UBE2G1: variants seen among roughly 807,000 people sequenced by gnomAD.
UBE2G1 encodes ubiquitin conjugating enzyme E2 G1, also known as ubiquitin-conjugating enzyme E2 G1.
A neutral mutation model predicts 22.7 loss-of-function variants in UBE2G1; 5 were observed. That is an observed-to-expected ratio of 0.22 (90% confidence interval 0.12 to 0.46). UBE2G1 has a LOEUF of 0.46. UBE2G1 is among the 20% of genes least tolerant of loss of function. The pLI, the probability that UBE2G1 is intolerant of heterozygous loss-of-function variation, is 0.99. For synonymous variants in UBE2G1, 74 were observed against 67.5 expected (o/e 1.10, Z -0.47); for missense variants, 88 against 203.9 (o/e 0.43, Z 3.46).
rs149872795 is a variant in UBE2G1 at position 4,280,295 on chromosome 17, C to T, written c.*37+2503G>A. Among the ~76,000 whole-genome samples the T allele has an allele frequency of 1.2e-4, 18 of 148,198 alleles. No individual in the cohort carries two copies. In the East Asian group the frequency reaches 3.7e-3, roughly 30 times the overall value. On this transcript the variant is annotated intron_variant, in intron 5 of 5. Coordinates refer to ENST00000396981, the MANE Select transcript of UBE2G1 (RefSeq NM_003342.5). ...CAGGTAATCCACCTGCCTCAGCTCC[C>T]ACAAGTGCTAGGATTACAAGTGTGA...
At position 4,309,434 on chromosome 17, in the gene UBE2G1, C is replaced by T. The variant is rs552919943; in HGVS notation, c.47-2311G>A. ...GAAATGTACTTTTACTTTAAAGTGG[C>T]TAATCTAAAATACTTTTTAAAGATA... On this transcript the variant is annotated intron_variant, in intron 1 of 5. Transcript: ENST00000396981. 9.9e-5 allele frequency among the ~76,000 whole-genome samples: 15 copies of T among 152,242 alleles called. No individual in the cohort carries two copies. In the South Asian group the frequency reaches 2.1e-3, roughly 21 times the overall value.
intron 4 of UBE2G1, among the ~76,000 whole-genome samples, chr17:4,283,806 C>T (rs924162281): frequency 6.6e-6 from 1 of 151,984 alleles, no homozygotes; most frequent in African/African-American, 2.4e-5. Context: ...AAACAGAGGC[C>T]TAGAGAAGCT....
At chr17:4,309,995 A>G (rs1969291013) in intron 1 of UBE2G1, among the ~76,000 whole-genome samples, 1 of 152,166 alleles carries the variant, frequency 6.6e-6, no homozygotes, top group Non-Finnish European at 1.5e-5. Flanking sequence ...GTTCCATGTA[A>G]GTAATACAAA....
Position 4,366,257 on chromosome 17 carries a change from G to A in UBE2G1, c.46+14C>T. On this transcript the variant is annotated intron_variant, in intron 1 of 5. Coordinates refer to ENST00000396981, the MANE Select transcript of UBE2G1 (RefSeq NM_003342.5). ...TCGCGGCCGGGCCCGGCGCCCCGCCGCCCGCCTGCTCACCTGCCAGCTGTC... is the reference window on the plus strand; with the variant it reads ...TCGCGGCCGGGCCCGGCGCCCCGCCACCCGCCTGCTCACCTGCCAGCTGTC... The A allele has an allele frequency of 6.5e-7, 1 of 1,540,198 alleles. No individual in the cohort carries two copies. The highest frequency in any genetic ancestry group is 2.6e-5 in the East Asian group (1 of 38,224).
At chr17:4,364,329 C>G (rs1309330190) in intron 1 of UBE2G1, 4 of 111,106 alleles carry the variant, frequency 3.6e-5, no homozygotes, top group African/African-American at 6.8e-5. Flanking sequence ...CTCGCTCTGT[C>G]GCCCAGGCTG....
At chr17:4,357,817 A>T (rs1421064345) in intron 1 of UBE2G1, among the ~76,000 whole-genome samples, 2 of 152,026 alleles carry the variant, frequency 1.3e-5, no homozygotes, top group Non-Finnish European at 2.9e-5. Flanking sequence ...CAAAAAAAAT[A>T]GACTGGATGT....
intron 1 of UBE2G1, among the ~76,000 whole-genome samples, chr17:4,346,637 T>C (rs903379747): frequency 8.6e-5 from 13 of 151,078 alleles, no homozygotes; most frequent in African/African-American, 2.7e-4. Context: ...GGTTTCACTA[T>C]GTTGGCCAGG....
At position 4,356,346 on chromosome 17, in the gene UBE2G1, G is replaced by A. The variant is rs1038599192; in HGVS notation, c.46+9925C>T. On this transcript the variant is annotated intron_variant, in intron 1 of 5. Coordinates refer to ENST00000396981, the MANE Select transcript of UBE2G1 (RefSeq NM_003342.5). ...GCACTTCAGCCTGGGCGACAAGAGC[G>A]AAACTGTCTCAAAAAAAAAATTAAA... 1.2e-4 allele frequency among the ~76,000 whole-genome samples: 18 copies of A among 151,584 alleles called. 1 individual carries two copies. Among genetic ancestry groups the A allele is most frequent in the South Asian group, 6.2e-4 (3 of 4,814 alleles).
chr17:4,363,830 T>G (rs1251651709), intron 1 of UBE2G1, among the ~76,000 whole-genome samples: 1 of 150,984 alleles, frequency 6.6e-6, no homozygotes, highest in Non-Finnish European at 1.5e-5. Context: ...CGGGCGCCTG[T>G]AGTCCCAGCT....
At chr17:4,297,809 T>C (rs1364603745) in intron 2 of UBE2G1, among the ~76,000 whole-genome samples, 1 of 152,232 alleles carries the variant, frequency 6.6e-6, no homozygotes, top group Non-Finnish European at 1.5e-5. Flanking sequence ...AATTTCTTTA[T>C]TGCAGTACCA....
At chr17:4,360,947 C>T (rs1346307190) in intron 1 of UBE2G1, among the ~76,000 whole-genome samples, 1 of 152,118 alleles carries the variant, frequency 6.6e-6, no homozygotes, top group East Asian at 1.9e-4. Context: ...ACGGGCTGGG[C>T]GCAGTGGCTC....
rs1335988513 is a variant in UBE2G1, at chr17:4,339,766, T to C, written c.46+26505A>G. 2.0e-5 allele frequency among the ~76,000 whole-genome samples: 3 copies of C among 152,000 alleles called. No homozygotes were observed. In the East Asian group the frequency reaches 5.8e-4, roughly 29 times the overall value. On this transcript the variant is annotated intron_variant, in intron 1 of 5. Coordinates refer to ENST00000396981, the MANE Select transcript of UBE2G1 (RefSeq NM_003342.5). ...CGGGAGGCTGAGGCCACAGAATCAC[T>C]TGAACCCGGGAGGTGGAGGTTGCGG...
chr17:4,353,538 C>T (rs1969870968), intron 1 of UBE2G1, among the ~76,000 whole-genome samples: 1 of 150,810 alleles, frequency 6.6e-6, no homozygotes, highest in Non-Finnish European at 1.5e-5. Context: ...CTTGTTCTGT[C>T]ACCAGGCTGG....
chr17:4,360,754 A>C (rs1352399613), intron 1 of UBE2G1, among the ~76,000 whole-genome samples: 2 of 152,076 alleles, frequency 1.3e-5, no homozygotes, highest in Non-Finnish European at 2.9e-5. Flanking sequence ...TCTACTAAAA[A>C]TACAAAATTA....
At chr17:4,278,682 T>C (rs1429690667) in intron 5 of UBE2G1, among the ~76,000 whole-genome samples, 1 of 152,224 alleles carries the variant, frequency 6.6e-6, no homozygotes, top group Admixed American at 6.5e-5. Flanking sequence ...CAACTAATGA[T>C]TGGTTTAGGT....
At chr17:4,297,738 AT>A (rs1969128854) in intron 2 of UBE2G1, among the ~76,000 whole-genome samples, 1 of 152,304 alleles carries the variant, frequency 6.6e-6, no homozygotes, top group Non-Finnish European at 1.5e-5. Context: ...CTCTAGAAAG[AT>A]TTTATTTGAC....
intron 1 of UBE2G1, among the ~76,000 whole-genome samples, chr17:4,357,531 ACT>A (rs200832986): frequency 0.02 from 2,673 of 133,740 alleles, 126 homozygotes; most frequent in African/African-American, 0.073. Context: ...TGGGTGTATA[ACT>A]CTATGCAATT....
intron 1 of UBE2G1, among the ~76,000 whole-genome samples, chr17:4,311,401 G>T (rs1220881453): frequency 1.3e-5 from 2 of 152,086 alleles, no homozygotes; most frequent in Non-Finnish European, 2.9e-5. Flanking sequence ...TCAAAAGGCA[G>T]AAACTCAAGT....
chr17:4,289,495 A>C, intron 3 of UBE2G1, 87 bp from the exon 4 acceptor site: 1 of 1,366,448 alleles, frequency 7.3e-7, no homozygotes, highest in South Asian at 1.6e-5. Context: ...CCTGATTCAC[A>C]CAGTACCTTT....
Sources: gnomAD v4.1 joint callset for allele counts (sites outside exome capture counted in the v4.1 genomes callset) on GRCh38, gnomAD v4.1.1 for gene constraint, MANE v1.5 for transcripts, NCBI Gene and HGNC (gene_info 2026-07-23, HGNC 2026-07-21) for gene names.